The following IL19 variants were observed in gnomAD, a reference collection of about 807,000 sequenced individuals.
The protein encoded by IL19 is interleukin 19.
In IL19, 15 loss-of-function variants were observed where a neutral mutation model predicts 19.5. The observed-to-expected ratio is 0.77, with a 90% CI of 0.52 to 1.19. The LOEUF (loss-of-function observed/expected upper bound fraction) is 1.19. Ranked by LOEUF, IL19 falls within the 50% of genes most tolerant of loss-of-function variation. The pLI, the probability that IL19 is intolerant of heterozygous loss-of-function variation, is 0.00. For synonymous variants in IL19, 78 were observed against 78.3 expected, an observed-to-expected ratio of 1.00 and a Z score of 0.02; for missense variants, 199 against 213.1, an observed-to-expected ratio of 0.93 and a Z score of 0.41.
intron 1 of IL19, among the ~76,000 whole-genome samples, chr1:206,796,386 G>T (rs929428741): frequency 2.0e-5 from 3 of 152,170 alleles, no homozygotes; most frequent in African/African-American, 7.2e-5. Flanking sequence ...CAGTCAGGTT[G>T]ACCATAAATT....
At chr1:206,787,889 C>T (rs1187169917) in intron 1 of IL19, among the ~76,000 whole-genome samples, 1 of 152,148 alleles carries the variant, frequency 6.6e-6, no homozygotes, top group African/African-American at 2.4e-5. Flanking sequence ...TCCTGGGCTG[C>T]GTTATCCTTT....
chr1:206,774,619 A>G (rs1391692624), intron 1 of IL19, among the ~76,000 whole-genome samples: 1 of 152,104 alleles, frequency 6.6e-6, no homozygotes, highest in Non-Finnish European at 1.5e-5. Flanking sequence ...CCTTGTGCTT[A>G]CCTCACTAGG....
At chr1:206,831,176 A>C (rs1459052578) in intron 2 of IL19, among the ~76,000 whole-genome samples, 1 of 152,206 alleles carries the variant, frequency 6.6e-6, no homozygotes, top group Non-Finnish European at 1.5e-5. Context: ...ATCATTATGA[A>C]AAATTCATGA....
chr1:206,800,370 AG>A (rs35010950), intron 2 of IL19, among the ~76,000 whole-genome samples: 9 of 151,964 alleles, frequency 5.9e-5, no homozygotes. Flanking sequence ...GTGGTGGGGT[AG>A]GGGGGAAGGT....
intron 1 of IL19, among the ~76,000 whole-genome samples, chr1:206,794,610 G>A (rs1675477095): frequency 6.6e-6 from 1 of 152,160 alleles, no homozygotes; most frequent in Non-Finnish European, 1.5e-5. Flanking sequence ...TCAAGTTCAG[G>A]AACTGGGCTC....
chr1:206,777,585 G>C (rs1173539014), intron 1 of IL19, among the ~76,000 whole-genome samples: 1 of 152,150 alleles, frequency 6.6e-6, no homozygotes, highest in Non-Finnish European at 1.5e-5. Context: ...AAGGTTCAGG[G>C]ATCCGGGCTT....
rs145587889 is a variant in IL19, at chr1:206,794,859, T to C, written c.-148-4002T>C. On this transcript the variant is annotated intron_variant, in intron 1 of 6. Transcript: ENST00000659997. ...CTATGCTCCCCACTTTCCATACCTA[T>C]TTCTGCCCATGGCACTCATGTGAAT... Among the ~76,000 whole-genome samples the C allele has an allele frequency of 1.6e-3, 250 of 152,298 alleles. 1 individual carries two copies. The highest frequency in any genetic ancestry group is 5.7e-3 in the African/African-American group (235 of 41,552).
intron 1 of IL19, 102 bp downstream of exon 1, chr1:206,771,180 C>A: frequency 8.0e-7 from 1 of 1,254,834 alleles, no homozygotes; most frequent in Non-Finnish European, 1.2e-6. Flanking sequence ...GAAGCCTCCC[C>A]GAAGGGACTG....
chr1:206,776,711 A>G (rs1675005516), intron 1 of IL19, among the ~76,000 whole-genome samples: 1 of 152,012 alleles, frequency 6.6e-6, no homozygotes, highest in African/African-American at 2.4e-5. Flanking sequence ...ATCAGGTGGT[A>G]AAGAGAGCTC....
chr1:206,830,194 T>C (rs1256369990), intron 2 of IL19, among the ~76,000 whole-genome samples: 1 of 152,196 alleles, frequency 6.6e-6, no homozygotes, highest in East Asian at 1.9e-4. Context: ...TGCCACTTCC[T>C]TGCGGTGCCA....
At chr1:206,810,320 A>T (rs1189942640) in intron 2 of IL19, among the ~76,000 whole-genome samples, 2 of 152,082 alleles carry the variant, frequency 1.3e-5, no homozygotes, top group African/African-American at 2.4e-5. Context: ...TAAACCTTGG[A>T]CTCAATGGTG....
intron 1 of IL19, among the ~76,000 whole-genome samples, chr1:206,798,097 G>A (rs1207345830): frequency 6.6e-6 from 1 of 152,164 alleles, no homozygotes; most frequent in Non-Finnish European, 1.5e-5. Flanking sequence ...GTAGGTCATG[G>A]GGACAGATGA....
At chr1:206,841,831 C>T (rs540902355) in intron 6 of IL19, among the ~76,000 whole-genome samples, 3 of 152,216 alleles carry the variant, frequency 2.0e-5, no homozygotes, top group Admixed American at 6.5e-5. Context: ...CCCAACAATG[C>T]TATGAGTCAT....
chr1:206,780,274 GTATCTGT>G (rs1558605793), intron 1 of IL19, among the ~76,000 whole-genome samples: 1 of 152,212 alleles, frequency 6.6e-6, no homozygotes, highest in East Asian at 1.9e-4. Flanking sequence ...GGCAGGGCCT[GTATCTGT>G]TTTTGATGAG....
rs113681733 is a variant in IL19 at position 206,771,440 on chromosome 1, G to T, written c.-149+362G>T. ...GCTGCAGGAAGAACAAAAGGAGAATGAACTTGAGGTTTGGGGAAATAACTG... is the reference window on the plus strand; with the variant it reads ...GCTGCAGGAAGAACAAAAGGAGAATTAACTTGAGGTTTGGGGAAATAACTG... On this transcript the variant is annotated intron_variant, in intron 1 of 6. Transcript: ENST00000659997. The T allele has an allele frequency of 2.7e-5, 42 of 1,580,928 alleles. No individual in the cohort carries two copies. In the African/African-American group the frequency reaches 3.5e-4, roughly 13 times the overall value.
At chr1:206,778,371 T>C (rs986711410) in intron 1 of IL19, among the ~76,000 whole-genome samples, 3 of 152,172 alleles carry the variant, frequency 2.0e-5, no homozygotes, top group African/African-American at 4.8e-5. Context: ...CAGAGGACCA[T>C]AGTTGTTTCT....
intron 2 of IL19, among the ~76,000 whole-genome samples, chr1:206,829,301 G>A (rs1423019120): frequency 6.6e-6 from 1 of 152,160 alleles, no homozygotes; most frequent in African/African-American, 2.4e-5. Flanking sequence ...AGTTAAATAT[G>A]CATCTTGTAT....
chr1:206,819,065 C>A (rs1676230636), intron 2 of IL19, among the ~76,000 whole-genome samples: 1 of 151,446 alleles, frequency 6.6e-6, no homozygotes, highest in South Asian at 2.1e-4. Context: ...CCTGCCTTGG[C>A]CTCCCAAAGT....
chr1:206,805,061 C>A (rs11119599), intron 2 of IL19, among the ~76,000 whole-genome samples: 11,371 of 152,260 alleles, frequency 0.075, 774 homozygotes, highest in African/African-American at 0.18. Flanking sequence ...CCTGGCTCTG[C>A]TTCTAGAGTA....
Sources: gnomAD v4.1 joint callset for allele counts (sites outside exome capture counted in the v4.1 genomes callset) on GRCh38, gnomAD v4.1.1 for gene constraint, MANE v1.5 for transcripts, NCBI Gene and HGNC (gene_info 2026-07-23, HGNC 2026-07-21) for gene names.